The following TMEM131 variants were observed in gnomAD, a reference collection of about 807,000 sequenced individuals.
TMEM131 encodes 2610524E03Rik.
A neutral mutation model predicts 211.6 loss-of-function variants in TMEM131; 66 were observed. The ratio of observed to expected loss-of-function variants is 0.31; its 90% confidence interval spans 0.26 to 0.38. TMEM131 has a LOEUF of 0.38. TMEM131 is among the 10% of genes least tolerant of loss of function. TMEM131 has a pLI of 1.00. For missense variants in TMEM131, 2,036 were observed against 2,299.3 expected (o/e 0.89, Z 2.34); for synonymous variants, 844 against 841.3 (o/e 1.00, Z -0.06).
At chr2:97,902,981 T>G (rs563659196) in intron 3 of TMEM131, among the ~76,000 whole-genome samples, 2 of 152,172 alleles carry the variant, frequency 1.3e-5, no homozygotes, top group Non-Finnish European at 2.9e-5. Flanking sequence ...TGGGACCTTG[T>G]GATCGTGTAA....
chr2:97,963,170 T>C (rs1297701437), intron 1 of TMEM131, among the ~76,000 whole-genome samples: 1 of 152,228 alleles, frequency 6.6e-6, no homozygotes, highest in East Asian at 1.9e-4. Flanking sequence ...TATACCTCAA[T>C]AGAGTTGGCT....
At chr2:97,794,894 T>C in intron 29 of TMEM131, 36 bp downstream of exon 29, 1 of 1,520,312 alleles carries the variant, frequency 6.6e-7, no homozygotes, top group Non-Finnish European at 8.9e-7. Context: ...GTGTTAAATG[T>C]TGAATGAATA....
At chr2:97,992,527 C>T (rs1487217145) in intron 1 of TMEM131, among the ~76,000 whole-genome samples, 1 of 152,078 alleles carries the variant, frequency 6.6e-6, no homozygotes, top group Non-Finnish European at 1.5e-5. Flanking sequence ...TTCTTGAAAA[C>T]TTATTCGAAT....
At chr2:97,806,875 C>T (rs1035693580) in intron 19 of TMEM131, among the ~76,000 whole-genome samples, 1 of 152,112 alleles carries the variant, frequency 6.6e-6, no homozygotes, top group African/African-American at 2.4e-5. Context: ...TCCTCATTTA[C>T]AGCCCAGTGA....
intron 25 of TMEM131, 151 bp downstream of exon 25, chr2:97,801,744 T>G (rs1457507892): frequency 8.3e-6 from 4 of 483,704 alleles, no homozygotes; most frequent in Non-Finnish European, 1.4e-5. Flanking sequence ...CTGATTTATT[T>G]TGCCTCTGAA....
intron 7 of TMEM131, among the ~76,000 whole-genome samples, chr2:97,839,016 T>C (rs1683067205): frequency 6.6e-6 from 1 of 151,964 alleles, no homozygotes; most frequent in Non-Finnish European, 1.5e-5. Context: ...CAAACAAGCA[T>C]AACAATGCTT....
At chr2:97,818,179 T>C (rs1239149390) in intron 12 of TMEM131, among the ~76,000 whole-genome samples, 3 of 152,242 alleles carry the variant, frequency 2.0e-5, no homozygotes, top group Non-Finnish European at 4.4e-5. Flanking sequence ...GTAGGGGATC[T>C]GCTTTGCCTA....
chr2:97,802,999 C>T (rs1178388846), intron 22 of TMEM131, among the ~76,000 whole-genome samples: 1 of 152,168 alleles, frequency 6.6e-6, no homozygotes, highest in Non-Finnish European at 1.5e-5. Flanking sequence ...GTCACAGATC[C>T]TCTGTTTCTG....
Position 97,818,473 on chromosome 2 carries a change from CGGGGG to C in TMEM131, c.1183+135_1183+139del, listed in dbSNP as rs869139049. 6 of 56,102 alleles carry C rather than the reference CGGGGG, an allele frequency of 1.1e-4. 1 individual carries two copies. Among genetic ancestry groups the C allele is most frequent in the Non-Finnish European group, 3.9e-4 (6 of 15,466 alleles). The allele number at this position is 56,102 out of a possible 1,614,324, so 3.5% of individuals were successfully genotyped here. A position where few individuals can be genotyped will look rare whatever the true frequency, so the allele number is the denominator to read the frequency against. On this transcript the variant is annotated intron_variant, in intron 12 of 40. Transcript: ENST00000186436. ...CATGATGGTTTACAGCGGGGGGGGG[CGGGGG>C]GGGATCAACCTAAGCAGTAATATAA...
intron 11 of TMEM131, among the ~76,000 whole-genome samples, chr2:97,822,573 T>C (rs1011914143): frequency 1.3e-5 from 2 of 152,070 alleles, no homozygotes; most frequent in African/African-American, 4.8e-5. Flanking sequence ...CTAAATCTGA[T>C]TTTTCTTGGT....
intron 29 of TMEM131, 29 bp from the exon 30 acceptor site, chr2:97,793,582 A>G (rs746180672): frequency 2.5e-6 from 4 of 1,575,548 alleles, no homozygotes; most frequent in East Asian, 2.3e-5. Flanking sequence ...TTGGAAAATC[A>G]GGATTCATTT....
chr2:97,823,611 G>T (rs1682230635), intron 11 of TMEM131, among the ~76,000 whole-genome samples: 1 of 152,168 alleles, frequency 6.6e-6, no homozygotes, highest in African/African-American at 2.4e-5. Context: ...TCCCCAGTAT[G>T]GATGCCCACT....
At chr2:97,765,666 G>T (rs888363575) in intron 35 of TMEM131, among the ~76,000 whole-genome samples, 12 of 152,124 alleles carry the variant, frequency 7.9e-5, no homozygotes, top group African/African-American at 2.9e-4. Context: ...CCTTTGTGTA[G>T]GTTGCTCATG....
At chr2:97,916,428 T>C (rs1227025168) in intron 2 of TMEM131, among the ~76,000 whole-genome samples, 6 of 152,182 alleles carry the variant, frequency 3.9e-5, no homozygotes, top group Admixed American at 3.9e-4. Context: ...TTGGGGAAAG[T>C]CTGTAAAAGC....
At position 97,923,322 on chromosome 2, in the gene TMEM131, G is replaced by A. The variant is rs543173789; in HGVS notation, c.249+4104C>T. Among the ~76,000 whole-genome samples the A allele has an allele frequency of 6.2e-3, 941 of 151,830 alleles. 14 individuals are homozygous for A. The highest frequency in any genetic ancestry group is 0.02 in the African/African-American group (819 of 41,358). On this transcript the variant is annotated intron_variant, in intron 2 of 40. Transcript: ENST00000186436. ...AAAATAAAATAAAACAGGACTTTAAGTTTTAAAAGACAAAATTCTGCCAGG... is the reference window on the plus strand; with the variant it reads ...AAAATAAAATAAAACAGGACTTTAAATTTTAAAAGACAAAATTCTGCCAGG...
chr2:97,827,404 A>G (rs1682452522), intron 11 of TMEM131: 2 of 1,022,784 alleles, frequency 2.0e-6, no homozygotes, highest in South Asian at 1.3e-5. Context: ...CGTGCAAACA[A>G]AAGGGAAAAG....
chr2:97,967,656 G>A (rs1679116320), intron 1 of TMEM131, among the ~76,000 whole-genome samples: 1 of 152,124 alleles, frequency 6.6e-6, no homozygotes, highest in Non-Finnish European at 1.5e-5. Flanking sequence ...TGGGGGGAGA[G>A]AAGATGAAGC....
chr2:97,757,509 C>T, intron 40 of TMEM131, 126 bp from the exon 41 acceptor site: 1 of 1,070,876 alleles, frequency 9.3e-7, no homozygotes, highest in Non-Finnish European at 1.3e-6. Context: ...TACTTTAGAA[C>T]AAATGTTATA....
chr2:97,991,140 A>C (rs546146067), intron 1 of TMEM131, among the ~76,000 whole-genome samples: 2 of 152,342 alleles, frequency 1.3e-5, no homozygotes, highest in South Asian at 4.1e-4. Context: ...GCAAACTTTC[A>C]ATCAAAACTG....
Sources: gnomAD v4.1 joint callset for allele counts (sites outside exome capture counted in the v4.1 genomes callset) on GRCh38, gnomAD v4.1.1 for gene constraint, MANE v1.5 for transcripts, NCBI Gene and HGNC (gene_info 2026-07-23, HGNC 2026-07-21) for gene names.